The following SCAI variants were observed in gnomAD, a reference collection of about 807,000 sequenced individuals.
SCAI encodes suppressor of cancer cell invasion, also known as protein SCAI.
SCAI carries 24 observed loss-of-function variants against 92.2 expected under a neutral mutation model. That is an observed-to-expected ratio of 0.26 (90% CI 0.19 to 0.37). The LOEUF (loss-of-function observed/expected upper bound fraction) is 0.37. Among genes scored for constraint, SCAI ranks in the 10% least tolerant of loss-of-function variants. The probability of loss-of-function intolerance (pLI) is 1.00; values close to 1 mark genes in which losing one functional copy is unlikely to be tolerated. For missense variants in SCAI, 450 were observed against 736.2 expected, an observed-to-expected ratio of 0.61 and a Z score of 4.50; for synonymous variants, 261 against 258.6, an observed-to-expected ratio of 1.01 and a Z score of -0.09.
At chr9:125,039,022 T>C (rs941393209) in intron 3 of SCAI, among the ~76,000 whole-genome samples, 1 of 152,226 alleles carries the variant, frequency 6.6e-6, no homozygotes, top group African/African-American at 2.4e-5. Context: ...ATTGGTTTCA[T>C]AGCTCTCAGT....
chr9:124,962,348 C>T (rs904437270), intron 17 of SCAI, among the ~76,000 whole-genome samples: 9 of 151,680 alleles, frequency 5.9e-5, no homozygotes, highest in South Asian at 2.1e-4. Context: ...TTAGTAGAGA[C>T]GAGAGTTTCA....
chr9:125,074,798 A>C (rs1458164340), intron 2 of SCAI, among the ~76,000 whole-genome samples: 1 of 151,862 alleles, frequency 6.6e-6, no homozygotes, highest in South Asian at 2.1e-4. Context: ...CGAAGTCAGG[A>C]GTTCGAGACC....
chr9:125,127,511 C>T (rs943359581), intron 2 of SCAI, among the ~76,000 whole-genome samples: 23 of 151,334 alleles, frequency 1.5e-4, no homozygotes, highest in African/African-American at 4.4e-4. Context: ...GTTACAGGTA[C>T]GAGCCACCAC....
intron 2 of SCAI, among the ~76,000 whole-genome samples, chr9:125,140,885 A>G (rs575525895): frequency 6.6e-6 from 1 of 152,004 alleles, no homozygotes; most frequent in East Asian, 1.9e-4. Flanking sequence ...ATTTACTCCA[A>G]TATACCTAAA....
intron 15 of SCAI, among the ~76,000 whole-genome samples, chr9:124,972,435 G>A (rs1193549842): frequency 6.6e-6 from 1 of 152,062 alleles, no homozygotes; most frequent in Non-Finnish European, 1.5e-5. Context: ...TAAAATACTG[G>A]ACACTAAAAA....
At chr9:124,965,530 C>T (rs537728618) in intron 17 of SCAI, among the ~76,000 whole-genome samples, 20 of 152,234 alleles carry the variant, frequency 1.3e-4, no homozygotes, top group Non-Finnish European at 1.8e-4. Context: ...CTACTGTGCC[C>T]GGCCTGTAAG....
intron 2 of SCAI, among the ~76,000 whole-genome samples, chr9:125,109,226 G>GC (rs1834883105): frequency 6.6e-6 from 1 of 152,070 alleles, no homozygotes; most frequent in Non-Finnish European, 1.5e-5. Flanking sequence ...ACTGCGGAAG[G>GC]CCGCAGGGTC....
intron 4 of SCAI, among the ~76,000 whole-genome samples, chr9:125,028,946 C>T (rs1833017390): frequency 6.6e-6 from 1 of 151,988 alleles, no homozygotes; most frequent in East Asian, 1.9e-4. Context: ...TACAGGTGTG[C>T]ACCACCATGC....
intron 14 of SCAI, among the ~76,000 whole-genome samples, chr9:124,988,103 A>G (rs1832037235): frequency 6.6e-6 from 1 of 152,048 alleles, no homozygotes; most frequent in Admixed American, 6.6e-5. Context: ...CAGGGAAAAC[A>G]TGGCATCATG....
intron 2 of SCAI, among the ~76,000 whole-genome samples, chr9:125,057,669 A>G (rs1243834870): frequency 6.6e-6 from 1 of 152,142 alleles, no homozygotes; most frequent in African/African-American, 2.4e-5. Context: ...TTGAAGGCCG[A>G]GTGTGGAGGA....
Position 125,019,076 on chromosome 9 carries a change from A to G in SCAI, c.708+31T>C, listed in dbSNP as rs1416632303. ...AAACTACACGGTCATTTATTTATCA[A>G]TAATTATGATTTTTCTTATCAAAAA... On this transcript the variant is annotated intron_variant, in intron 8 of 17. Coordinates refer to ENST00000336505, the MANE Select transcript of SCAI (RefSeq NM_001144877.3). The G allele has an allele frequency of 3.2e-6, 5 of 1,544,546 alleles. No individual in the cohort carries two copies. The South Asian group carries it at 4.6e-5, about 14-fold the overall frequency.
intron 9 of SCAI, among the ~76,000 whole-genome samples, chr9:125,004,768 TATATATATA>T (rs1440884814): frequency 0.015 from 148 of 9,832 alleles, 3 homozygotes; most frequent in Middle Eastern, 0.045. Flanking sequence ...TATATATATA[TATATATATA>T]TATTTTTTTT....
At chr9:125,075,037 G>T (rs922426200) in intron 2 of SCAI, among the ~76,000 whole-genome samples, 1 of 152,084 alleles carries the variant, frequency 6.6e-6, no homozygotes, top group Non-Finnish European at 1.5e-5. Flanking sequence ...CAGTTAGTTG[G>T]TTATCTAAAA....
Position 125,084,158 on chromosome 9 carries a change from C to CTTTTTTT in SCAI, c.99-28158_99-28152dup, listed in dbSNP as rs34786493. 5.9e-3 allele frequency among the ~76,000 whole-genome samples: 382 copies of CTTTTTTT among 65,134 alleles called. 68 individuals carry two copies. Among genetic ancestry groups the CTTTTTTT allele is most frequent in the African/African-American group, 9.8e-3 (149 of 15,262 alleles). 42.7% of individuals were successfully genotyped at this position (65,134 alleles called of 152,430 possible). A position where few individuals can be genotyped will look rare whatever the true frequency, so the allele number is the denominator to read the frequency against. ...ATATGAACAGGACTCTTGGCTGCTG[C>CTTTTTTT]TTTTTTTTTTTTTTTTTTTTTTTTT... On this transcript the variant is annotated intron_variant, in intron 2 of 17. Transcript: ENST00000336505.
intron 6 of SCAI, among the ~76,000 whole-genome samples, chr9:125,026,139 G>A (rs1392061155): frequency 6.6e-6 from 1 of 152,200 alleles, no homozygotes; most frequent in Non-Finnish European, 1.5e-5. Context: ...GGGAGGCCAA[G>A]GCGGGTGGAT....
At position 124,951,910 on chromosome 9, in the gene SCAI, C is replaced by T. The variant is rs1476739182; in HGVS notation, c.*897G>A. On this transcript the variant is annotated 3_prime_UTR_variant, in exon 18 of 18. Coordinates refer to ENST00000336505, the MANE Select transcript of SCAI (RefSeq NM_001144877.3). ...TTCATAACACCCAGTTACCCCTTACCAAAATTTAAAACATCTATGACTTTG... is the reference window on the plus strand; with the variant it reads ...TTCATAACACCCAGTTACCCCTTACTAAAATTTAAAACATCTATGACTTTG... 6.6e-6 allele frequency: 1 copy of T among 152,138 alleles called. No homozygotes were observed. The highest frequency in any genetic ancestry group is 1.5e-5 in the Non-Finnish European group (1 of 68,014). 9.4% of individuals were successfully genotyped at this position (152,138 alleles called of 1,614,324 possible). A position where few individuals can be genotyped will look rare whatever the true frequency, so the allele number is the denominator to read the frequency against.
intron 14 of SCAI, among the ~76,000 whole-genome samples, chr9:124,993,356 A>T (rs1437086073): frequency 6.6e-6 from 1 of 152,270 alleles, no homozygotes; most frequent in Non-Finnish European, 1.5e-5. Flanking sequence ...TGGGAGGCCA[A>T]GGCGGGTGGA....
chr9:125,014,113 C>T (rs551175737), intron 9 of SCAI, among the ~76,000 whole-genome samples: 86 of 152,242 alleles, frequency 5.6e-4, no homozygotes, highest in African/African-American at 2.0e-3. Context: ...CCTTTGAAAA[C>T]GGGCACAAGA....
chr9:125,095,396 G>A (rs1337792835), intron 2 of SCAI, among the ~76,000 whole-genome samples: 2 of 152,184 alleles, frequency 1.3e-5, no homozygotes, highest in Admixed American at 1.3e-4. Context: ...CCCCTAACCT[G>A]TGATAGTTAA....
Sources: gnomAD v4.1 joint callset for allele counts (sites outside exome capture counted in the v4.1 genomes callset) on GRCh38, gnomAD v4.1.1 for gene constraint, MANE v1.5 for transcripts, NCBI Gene and HGNC (gene_info 2026-07-23, HGNC 2026-07-21) for gene names.